GARIN5B: variants seen among roughly 807,000 people sequenced by gnomAD.
GARIN5B encodes Golgi-associated RAB2 interactor protein 5B.
chr19:55,358,064 A>AAG, the GARIN5B span: 3 of 1,344,730 alleles, frequency 2.2e-6, no homozygotes, highest in East Asian at 5.9e-5. Context: ...AAAAAAAAAA[A>AAG]AAAGTGAAAG....
the GARIN5B span, chr19:55,361,329 G>A: frequency 6.5e-6 from 10 of 1,541,178 alleles, no homozygotes; most frequent in African/African-American, 2.7e-5. Flanking sequence ...CACCAAGGAA[G>A]GGGGAAGAGC....
At chr19:55,359,165 G>T in the GARIN5B span, 1 of 1,551,236 alleles carries the variant, frequency 6.4e-7, no homozygotes, top group African/African-American at 1.4e-5. Context: ...AATTCCTGTT[G>T]GCAACACGTC....
chr19:55,362,527 C>G, the GARIN5B span: 5 of 1,489,866 alleles, frequency 3.4e-6, no homozygotes, highest in Non-Finnish European at 3.6e-6. Context: ...AGGGGAGCGT[C>G]TAGAGCAGGA....
the GARIN5B span, chr19:55,359,436 G>A: frequency 1.7e-4 from 262 of 1,549,478 alleles, no homozygotes; most frequent in East Asian, 4.6e-3. Flanking sequence ...TTCCGGGATG[G>A]AGCAGGTATG....
chr19:55,355,445 C>A, the GARIN5B span: 9 of 1,254,148 alleles, frequency 7.2e-6, no homozygotes, highest in Non-Finnish European at 9.0e-6. Flanking sequence ...CTTAGGAGAG[C>A]GTCCCCCAGG....
At chr19:55,362,120 C>T in the GARIN5B span, 6 of 1,301,458 alleles carry the variant, frequency 4.6e-6, no homozygotes, top group South Asian at 1.6e-5. Flanking sequence ...CCAGCCCCTC[C>T]TCCCTCTACT....
the GARIN5B span, chr19:55,359,128 GC>G: frequency 6.4e-7 from 1 of 1,551,170 alleles, no homozygotes; most frequent in Non-Finnish European, 8.7e-7. Context: ...CTCCAGACTG[GC>G]TTCTCTCCAG....
At chr19:55,358,955 C>T in the GARIN5B span, 5 of 1,551,082 alleles carry the variant, frequency 3.2e-6, no homozygotes, top group South Asian at 5.9e-5. Context: ...CTTCCCCTGG[C>T]CCCTGAAGGC....
chr19:55,362,068 A>AG, the GARIN5B span, among the ~76,000 whole-genome samples: 1 of 147,408 alleles, frequency 6.8e-6, no homozygotes, highest in African/African-American at 2.6e-5. Flanking sequence ...CCAGGAGTCC[A>AG]GGCCCCCAGC....
chr19:55,356,896 C>T, the GARIN5B span, among the ~76,000 whole-genome samples: 1 of 151,990 alleles, frequency 6.6e-6, no homozygotes, highest in Non-Finnish European at 1.5e-5. Context: ...ACTAAAAATA[C>T]AAAAATCAGC....
chr19:55,362,464 G>T, the GARIN5B span: 1 of 1,549,372 alleles, frequency 6.5e-7, no homozygotes, highest in Non-Finnish European at 8.7e-7. Context: ...AGGCAGAGAG[G>T]TCATGGACGC....
the GARIN5B span, among the ~76,000 whole-genome samples, chr19:55,357,014 G>A: frequency 3.9e-5 from 6 of 152,058 alleles, no homozygotes; most frequent in East Asian, 3.9e-4. Flanking sequence ...CTGAGATCGC[G>A]CCACTGCACT....
At chr19:55,358,862 C>T in the GARIN5B span, 41 of 1,547,550 alleles carry the variant, frequency 2.6e-5, no homozygotes, top group African/African-American at 3.3e-4. Context: ...CCATCTCTTC[C>T]GCTGCTCCAA....
the GARIN5B span, among the ~76,000 whole-genome samples, chr19:55,355,672 A>G: frequency 1.3e-5 from 2 of 152,246 alleles, no homozygotes; most frequent in East Asian, 1.9e-4. Context: ...GATTGTTTAC[A>G]CTGACAGCCA....
At chr19:55,361,162 C>T in the GARIN5B span, 32 of 1,551,208 alleles carry the variant, frequency 2.1e-5, no homozygotes, top group Admixed American at 2.2e-4. Context: ...CCACACCACC[C>T]CGCCGGCTCA....
the GARIN5B span, chr19:55,360,057 C>G: frequency 7.2e-7 from 1 of 1,398,494 alleles, no homozygotes; most frequent in Non-Finnish European, 9.5e-7. Flanking sequence ...GACCCCTGCT[C>G]CCTCCTCCCT....
chr19:55,358,997 A>G, the GARIN5B span: 3 of 1,551,092 alleles, frequency 1.9e-6, no homozygotes, highest in Non-Finnish European at 2.6e-6. Flanking sequence ...TTGGCTAATC[A>G]GGATGTCCTT....
chr19:55,363,156 G>A, the GARIN5B span: 6 of 1,296,846 alleles, frequency 4.6e-6, no homozygotes, highest in Non-Finnish European at 6.1e-6. The surrounding 1 kb of genome is among the most constrained non-coding windows in gnomAD (Gnocchi z 4.0). Flanking sequence ...TGACCCGTGG[G>A]GCTTCACGGG....
chr19:55,358,171 T>C, the GARIN5B span: 1 of 1,510,772 alleles, frequency 6.6e-7, no homozygotes, highest in Admixed American at 2.2e-5. Context: ...AGACGCCCGA[T>C]TCCTCCTGTA....
Sources: gnomAD v4.1 joint callset for allele counts (sites outside exome capture counted in the v4.1 genomes callset) on GRCh38, gnomAD v4.1.1 for gene constraint, Gnocchi (gnomAD v3.1) non-coding constraint, MANE v1.5 for transcripts, NCBI Gene and HGNC (gene_info 2026-07-23, HGNC 2026-07-21) for gene names.